The following TCF12 variants were observed in gnomAD, a reference collection of about 807,000 sequenced individuals.
TCF12 encodes DNA-binding protein HTF4.
TCF12 carries 45 observed loss-of-function variants against 86.0 expected under a neutral mutation model. The observed-to-expected ratio is 0.52, with a 90% CI of 0.41 to 0.67. The LOEUF (loss-of-function observed/expected upper bound fraction) is 0.67, where lower values mean the gene tolerates loss of function less well. Among genes scored for constraint, TCF12 ranks in the 30% least tolerant of loss-of-function variants. TCF12 has a pLI of 0.00. For synonymous variants in TCF12, 330 were observed against 299.6 expected, an observed-to-expected ratio of 1.10 and a Z score of -1.05; for missense variants, 881 against 859.9, an observed-to-expected ratio of 1.02 and a Z score of -0.31.
intron 3 of TCF12, among the ~76,000 whole-genome samples, chr15:57,007,288 A>G (rs1278413936): frequency 6.6e-6 from 1 of 152,216 alleles, no homozygotes; most frequent in Non-Finnish European, 1.5e-5. Flanking sequence ...AAAGGCAAGC[A>G]TGGGGTCAGT....
At chr15:57,247,773 T>C (rs1395700978) in intron 13 of TCF12, 1 of 744,582 alleles carries the variant, frequency 1.3e-6, no homozygotes, top group African/African-American at 1.7e-5. Context: ...CTAGCACACC[T>C]TGCTGCCTCC....
chr15:57,145,455 A>C (rs2151428034), intron 5 of TCF12, among the ~76,000 whole-genome samples: 2 of 152,252 alleles, frequency 1.3e-5, no homozygotes, highest in East Asian at 3.9e-4. Flanking sequence ...AATAAGATAG[A>C]AAATGCACAG....
At chr15:57,205,142 G>A (rs535905533) in intron 8 of TCF12, among the ~76,000 whole-genome samples, 66 of 151,972 alleles carry the variant, frequency 4.3e-4, no homozygotes, top group African/African-American at 1.5e-3. Context: ...ATGGAACCCC[G>A]CCTCTATAAA....
At chr15:57,158,490 T>C (rs1284812903) in intron 5 of TCF12, among the ~76,000 whole-genome samples, 1 of 152,114 alleles carries the variant, frequency 6.6e-6, no homozygotes, top group Admixed American at 6.6e-5. Flanking sequence ...AGAAAGTCAT[T>C]TATAAAGCCT....
chr15:57,151,785 C>T (rs1249973605), intron 5 of TCF12, among the ~76,000 whole-genome samples: 3 of 150,716 alleles, frequency 2.0e-5, no homozygotes, highest in Non-Finnish European at 4.4e-5. Flanking sequence ...AAAAAAAAGC[C>T]TGATAAACTA....
intron 7 of TCF12, among the ~76,000 whole-genome samples, chr15:57,194,206 C>A (rs1234467695): frequency 6.6e-6 from 1 of 152,108 alleles, no homozygotes; most frequent in Admixed American, 6.5e-5. Flanking sequence ...AAACTTGTAT[C>A]TTCTTCATTT....
chr15:57,090,276 A>G (rs2151109148), intron 4 of TCF12, among the ~76,000 whole-genome samples: 1 of 152,264 alleles, frequency 6.6e-6, no homozygotes, highest in Non-Finnish European at 1.5e-5. Flanking sequence ...GACGTTAGCT[A>G]AGAGCCATAC....
chr15:57,266,271 T>C (rs2060867113), intron 18 of TCF12, among the ~76,000 whole-genome samples: 1 of 152,018 alleles, frequency 6.6e-6, no homozygotes, highest in African/African-American at 2.4e-5. Context: ...AGAGACAAGG[T>C]TTCACCATGT....
intron 18 of TCF12, among the ~76,000 whole-genome samples, chr15:57,267,523 A>T (rs534527671): frequency 1.3e-5 from 2 of 152,198 alleles, no homozygotes; most frequent in Non-Finnish European, 2.9e-5. Flanking sequence ...GGAATCAGCA[A>T]ACTTTCTCTG....
At chr15:57,223,450 T>C (rs965160718) in intron 8 of TCF12, among the ~76,000 whole-genome samples, 18 of 152,020 alleles carry the variant, frequency 1.2e-4, no homozygotes, top group Admixed American at 6.6e-5. Flanking sequence ...TACAAATCTT[T>C]TGCATGTGTG....
intron 3 of TCF12, among the ~76,000 whole-genome samples, chr15:56,951,478 T>C (rs1301673062): frequency 2.6e-5 from 4 of 152,190 alleles, no homozygotes; most frequent in African/African-American, 9.7e-5. Context: ...TACAGATATT[T>C]TCTACTAGGT....
intron 4 of TCF12, among the ~76,000 whole-genome samples, chr15:57,076,584 C>T (rs1353915550): frequency 1.3e-5 from 2 of 149,774 alleles, no homozygotes; most frequent in South Asian, 2.1e-4. Flanking sequence ...ACCCAGGAGG[C>T]GAAGCTTGCA....
intron 5 of TCF12, among the ~76,000 whole-genome samples, chr15:57,142,364 A>G (rs1404625853): frequency 7.6e-6 from 1 of 131,562 alleles, no homozygotes; most frequent in Non-Finnish European, 1.7e-5. Flanking sequence ...TAACTGTGTT[A>G]CATATATATG....
intron 16 of TCF12, among the ~76,000 whole-genome samples, chr15:57,257,027 A>G (rs2152036020): frequency 6.6e-6 from 1 of 152,354 alleles, no homozygotes; most frequent in East Asian, 1.9e-4. Flanking sequence ...CTCTGTCACA[A>G]CTACTTAACT....
chr15:56,965,208 C>G (rs1203143462), intron 3 of TCF12, among the ~76,000 whole-genome samples: 1 of 152,128 alleles, frequency 6.6e-6, no homozygotes, highest in African/African-American at 2.4e-5. Context: ...TTTGGCTTGA[C>G]TGAATCTATG....
At chr15:57,110,587 T>C (rs2050420669) in intron 5 of TCF12, among the ~76,000 whole-genome samples, 1 of 152,190 alleles carries the variant, frequency 6.6e-6, no homozygotes, top group Admixed American at 6.5e-5. Flanking sequence ...AGCTGAGATT[T>C]TTTGTGTACA....
intron 2 of TCF12, among the ~76,000 whole-genome samples, chr15:56,920,295 CGAT>C (rs1422243400): frequency 6.6e-6 from 1 of 151,890 alleles, no homozygotes; most frequent in East Asian, 1.9e-4. Context: ...CCTCCCACCG[CGAT>C]GATTATTGGG....
chr15:57,012,904 A>G (rs1013762457), intron 3 of TCF12, among the ~76,000 whole-genome samples: 1 of 152,074 alleles, frequency 6.6e-6, no homozygotes, highest in African/African-American at 2.4e-5. Context: ...GATCAGTTAT[A>G]TTATTTTTCT....
chr15:57,178,022 G>A (rs147126018), intron 6 of TCF12, among the ~76,000 whole-genome samples: 1 of 152,112 alleles, frequency 6.6e-6, no homozygotes, highest in African/African-American at 2.4e-5. Flanking sequence ...CAGAAAGTCC[G>A]TTTATTCTTT....
Sources: gnomAD v4.1 joint callset for allele counts (sites outside exome capture counted in the v4.1 genomes callset) on GRCh38, gnomAD v4.1.1 for gene constraint, MANE v1.5 for transcripts, NCBI Gene and HGNC (gene_info 2026-07-23, HGNC 2026-07-21) for gene names.